Variants in SEC14L5 observed in about 807,000 individuals in gnomAD.
SEC14L5 encodes the protein SEC14 like lipid binding 5.
In SEC14L5, 96 loss-of-function variants were observed where a neutral mutation model predicts 84.6. The observed-to-expected ratio is 1.13, with a 90% CI of 0.96 to 1.34. SEC14L5 has a LOEUF of 1.34. Ranked by LOEUF, SEC14L5 falls within the 40% of genes most tolerant of loss-of-function variation. SEC14L5 has a pLI of 0.00. For missense variants in SEC14L5, 1,224 were observed against 942.5 expected, an observed-to-expected ratio of 1.30 and a Z score of -3.91; for synonymous variants, 546 against 383.4, an observed-to-expected ratio of 1.42 and a Z score of -4.95.
At chr16:4,980,064 C>T (rs1311919089) in intron 2 of SEC14L5, among the ~76,000 whole-genome samples, 2 of 152,228 alleles carry the variant, frequency 1.3e-5, no homozygotes, top group African/African-American at 4.8e-5. Flanking sequence ...CACCACTCCC[C>T]GGCCATGTGC....
At chr16:4,972,714 C>T (rs1412928492) in intron 2 of SEC14L5, among the ~76,000 whole-genome samples, 1 of 152,174 alleles carries the variant, frequency 6.6e-6, no homozygotes, top group Non-Finnish European at 1.5e-5. Flanking sequence ...GACTCCATCA[C>T]CTTTCATTTA....
At chr16:5,014,280 G>A (rs1567132191) in intron 15 of SEC14L5, among the ~76,000 whole-genome samples, 1 of 152,202 alleles carries the variant, frequency 6.6e-6, no homozygotes, top group Non-Finnish European at 1.5e-5. Flanking sequence ...TGGGCATGGT[G>A]CCTCACGCCT....
chr16:4,966,910 C>T (rs1446665452), intron 2 of SEC14L5, among the ~76,000 whole-genome samples: 2 of 152,234 alleles, frequency 1.3e-5, no homozygotes, highest in Non-Finnish European at 2.9e-5. Flanking sequence ...CCCAAGCCTG[C>T]AGGCCCTGGC....
At chr16:4,967,806 CAAGTGACCCT>C (rs1955223088) in intron 2 of SEC14L5, among the ~76,000 whole-genome samples, 1 of 150,618 alleles carries the variant, frequency 6.6e-6, no homozygotes, top group African/African-American at 2.4e-5. Flanking sequence ...CTCCTGACCT[CAAGTGACCCT>C]GAGGTCACTT....
intron 13 of SEC14L5, 121 bp downstream of exon 13, chr16:5,007,607 T>A: frequency 1.9e-4 from 14 of 74,840 alleles, no homozygotes; most frequent in Non-Finnish European, 2.8e-4. Context: ...TCTTTCTTTC[T>A]TTTTTTTTTT....
chr16:4,989,997 A>T (rs11639686), intron 4 of SEC14L5, among the ~76,000 whole-genome samples: 35,464 of 151,930 alleles, frequency 0.23, 4,978 homozygotes, highest in Non-Finnish European at 0.29. Flanking sequence ...GCAAACATAC[A>T]GATCTATAAA....
At chr16:5,013,605 C>T (rs913877962) in intron 15 of SEC14L5, among the ~76,000 whole-genome samples, 1 of 131,316 alleles carries the variant, frequency 7.6e-6, no homozygotes, top group Admixed American at 9.3e-5. Context: ...GTCACCCAGG[C>T]TGGAGTACAG....
At position 4,987,640 on chromosome 16, in the gene SEC14L5, C is replaced by A; in HGVS notation, c.147C>A (p.Asp49Glu). Residue 49 changes from aspartate to glutamate, a missense_variant, in exon 3 of 16, where the codon GAC (aspartate) becomes GAA (glutamate). Coordinates refer to ENST00000251170, the MANE Select transcript of SEC14L5 (RefSeq NM_014692.2). ...TCTTGCGCGAGTCCCGCAGCCCGGACGGGGCTGTGCACGTGGTGGAGCGGA... is the reference window on the plus strand; with the variant it reads ...TCTTGCGCGAGTCCCGCAGCCCGGAAGGGGCTGTGCACGTGGTGGAGCGGA... The part of the protein sequence containing the change: ...SEVLRESRSP[D>E]GAVHVVERSC... 6.4e-7 allele frequency: 1 copy of A among 1,554,862 alleles called. No homozygotes were observed. Among genetic ancestry groups the A allele is most frequent in the Admixed American group, 1.9e-5 (1 of 51,850 alleles).
In SEC14L5 at chr16:4,981,961, C is replaced by A. The variant is rs115635992; in HGVS notation, c.64-5596C>A. 2.9e-3 allele frequency among the ~76,000 whole-genome samples: 445 copies of A among 152,298 alleles called. 2 individuals carry two copies. The highest frequency in any genetic ancestry group is 0.025 in the East Asian group (131 of 5,182). ...TCCAGCGTGGCTGAGATCTACAGGGCAGACACAGTTCTCAGGGGGTCTCCT... is the reference window on the plus strand; with the variant it reads ...TCCAGCGTGGCTGAGATCTACAGGGAAGACACAGTTCTCAGGGGGTCTCCT... On this transcript the variant is annotated intron_variant, in intron 2 of 15. Coordinates refer to ENST00000251170, the MANE Select transcript of SEC14L5 (RefSeq NM_014692.2).
chr16:4,988,314 G>C (rs752441963), intron 4 of SEC14L5, 34 bp downstream of exon 4: 7 of 1,605,852 alleles, frequency 4.4e-6, no homozygotes, highest in Non-Finnish European at 5.1e-6. Flanking sequence ...CCCACGCCCG[G>C]CACCCACCTG....
rs749522182 is a variant in SEC14L5, at chr16:5,008,381, T to A, written c.1573-40T>A. 34 of 1,469,892 alleles carry A rather than the reference T, an allele frequency of 2.3e-5. No individual in the cohort carries two copies. The South Asian group carries it at 3.9e-4, about 17-fold the overall frequency. The allele number at this position is 1,469,892 out of a possible 1,614,324, so 91.1% of individuals were successfully genotyped here. On this transcript the variant is annotated intron_variant, in intron 13 of 15. Transcript: ENST00000251170. ...TGTGTTCCCCACCCCAGCTCTACTC[T>A]CTCGGCCGTGACTCTCAGACCTCGC...
In SEC14L5 at chr16:4,958,375, G is replaced by T. The variant is rs1054412569; in HGVS notation, c.-122G>T. The T allele has an allele frequency of 1.3e-5, 2 of 152,688 alleles. No individual in the cohort carries two copies. The highest frequency in any genetic ancestry group is 2.9e-5 in the Non-Finnish European group (2 of 68,164). 9.5% of individuals were successfully genotyped at this position (152,688 alleles called of 1,614,324 possible). ...GCTCCCGCCCCTCCGGCCTTCCACA[G>T]CTGTCCTGGCCGCAGGGTGTTCAAG... On this transcript the variant is annotated 5_prime_UTR_variant, in exon 1 of 16. Transcript: ENST00000251170.
intron 6 of SEC14L5, among the ~76,000 whole-genome samples, chr16:4,994,833 G>T (rs2908677): frequency 1 from 151,899 of 152,212 alleles, 75,794 homozygotes; most frequent in Middle Eastern, 1. Flanking sequence ...TCAGGGTGGC[G>T]GGCAGAGGAC....
chr16:4,987,637 G>T lies in SEC14L5; in HGVS notation c.144G>T (p.Pro48=), dbSNP rs1423117795. The change falls in exon 3 of 16, where the codon CCG becomes CCT. Residue 48 remains proline (P), a synonymous_variant. Transcript: ENST00000251170. ...GSEVLRESRS[P]DGAVHVVERS... is the part of the protein sequence containing the mutation. ...AGGTCTTGCGCGAGTCCCGCAGCCC[G>T]GACGGGGCTGTGCACGTGGTGGAGC... 1 of 1,555,440 alleles carries T rather than the reference G, an allele frequency of 6.4e-7. No individual in the cohort carries two copies. Among genetic ancestry groups the T allele is most frequent in the East Asian group, 2.5e-5 (1 of 40,742 alleles).
Position 4,959,321 on chromosome 16 carries a change from A to C in SEC14L5, c.-3A>C. 1 of 1,613,504 alleles carries C rather than the reference A, an allele frequency of 6.2e-7. No homozygotes were observed. Among genetic ancestry groups the C allele is most frequent in the Non-Finnish European group, 8.5e-7 (1 of 1,179,494 alleles). Reference sequence around the variant, plus strand: ...TGACCTCCATTGGTGCTCCAGCGTGAACATGGTGCAAAGATACCAGTCTCC... The same window carrying C: ...TGACCTCCATTGGTGCTCCAGCGTGCACATGGTGCAAAGATACCAGTCTCC... On this transcript the variant is annotated 5_prime_UTR_variant, in exon 2 of 16. Transcript: ENST00000251170.
intron 6 of SEC14L5, among the ~76,000 whole-genome samples, chr16:4,995,894 G>C (rs1955603368): frequency 6.6e-6 from 1 of 152,086 alleles, no homozygotes; most frequent in Admixed American, 6.6e-5. Flanking sequence ...CCAAAGTCCT[G>C]GGATTACAGT....
intron 8 of SEC14L5, among the ~76,000 whole-genome samples, chr16:4,997,338 G>C (rs1223741422): frequency 6.6e-6 from 1 of 152,202 alleles, no homozygotes. Flanking sequence ...AATCTCAAGT[G>C]ATCTACCTGC....
intron 15 of SEC14L5, among the ~76,000 whole-genome samples, chr16:5,014,301 T>G (rs946237144): frequency 5.3e-5 from 8 of 152,292 alleles, no homozygotes; most frequent in Admixed American, 1.3e-4. Flanking sequence ...GTAATCCAAG[T>G]GCTTTGGGAG....
rs181607042 is a variant in SEC14L5 at position 4,974,662 on chromosome 16, T to C, written c.64-12895T>C. ...GTGATTTCTGAAATTTTAGTGCACC[T>C]GTCACACAAGCAGTGTACACTGTAC... On this transcript the variant is annotated intron_variant, in intron 2 of 15. Coordinates refer to ENST00000251170, the MANE Select transcript of SEC14L5 (RefSeq NM_014692.2). Among the ~76,000 whole-genome samples, 11 of 152,276 alleles carry C rather than the reference T, an allele frequency of 7.2e-5. No individual in the cohort carries two copies. The East Asian group carries it at 2.1e-3, about 29-fold the overall frequency.
Sources: gnomAD v4.1 joint callset for allele counts (sites outside exome capture counted in the v4.1 genomes callset) on GRCh38, gnomAD v4.1.1 for gene constraint, MANE v1.5 for transcripts, NCBI Gene and HGNC (gene_info 2026-07-23, HGNC 2026-07-21) for gene names.